VSTM4: variants seen among roughly 807,000 people sequenced by gnomAD.
VSTM4 encodes V-set and transmembrane domain containing 4, also known as V-set and transmembrane domain-containing protein 4.
Under a neutral mutation model 36.4 loss-of-function variants are expected in VSTM4, and 20 were observed. That is an observed-to-expected ratio of 0.55 (90% confidence interval 0.39 to 0.80). VSTM4 has a LOEUF of 0.80. Among genes scored for constraint, VSTM4 ranks in the 30% least tolerant of loss-of-function variants. The pLI, the probability that VSTM4 is intolerant of heterozygous loss-of-function variation, is 0.00. For synonymous variants in VSTM4, 182 were observed against 173.9 expected, an observed-to-expected ratio of 1.05 and a Z score of -0.37; for missense variants, 392 against 404.5, an observed-to-expected ratio of 0.97 and a Z score of 0.26.
At chr10:49,038,742 C>T (rs1193854563) in intron 7 of VSTM4, among the ~76,000 whole-genome samples, 1 of 152,020 alleles carries the variant, frequency 6.6e-6, no homozygotes, top group Non-Finnish European at 1.5e-5. Flanking sequence ...TGTGGGCCCT[C>T]CAGGGGAGTG....
intron 7 of VSTM4, among the ~76,000 whole-genome samples, chr10:49,030,578 C>G (rs1022833027): frequency 6.6e-6 from 1 of 152,184 alleles, no homozygotes; most frequent in African/African-American, 2.4e-5. Flanking sequence ...GGAGAGAAGT[C>G]TTGGATGGAT....
intron 7 of VSTM4, among the ~76,000 whole-genome samples, chr10:49,024,394 G>A (rs564016473): frequency 2.3e-4 from 35 of 152,314 alleles, no homozygotes; most frequent in African/African-American, 8.4e-4. Context: ...ACGTATTGAT[G>A]CATCAAAGGA....
intron 1 of VSTM4, among the ~76,000 whole-genome samples, chr10:49,113,425 T>C (rs1017283327): frequency 3.9e-5 from 6 of 152,162 alleles, no homozygotes; most frequent in African/African-American, 1.4e-4. Flanking sequence ...ACCTGCCGGG[T>C]ACAAACTCTA....
intron 2 of VSTM4, among the ~76,000 whole-genome samples, chr10:49,093,972 C>T (rs759596624): frequency 1.3e-5 from 2 of 152,052 alleles, no homozygotes. Flanking sequence ...TAGTCTTGAT[C>T]TCCTGACCTC....
At chr10:49,102,731 A>G in intron 2 of VSTM4, 3 of 985,500 alleles carry the variant, frequency 3.0e-6, no homozygotes, top group Non-Finnish European at 2.4e-6. Flanking sequence ...AGTCATCCAC[A>G]GCAACAGTTG....
chr10:49,047,443 C>A (rs980467181), intron 6 of VSTM4, among the ~76,000 whole-genome samples: 2 of 152,148 alleles, frequency 1.3e-5, no homozygotes, highest in African/African-American at 4.8e-5. Flanking sequence ...CAGGGAGGGT[C>A]TTATTGTCCC....
At chr10:49,105,518 A>T (rs542327951) in intron 2 of VSTM4, among the ~76,000 whole-genome samples, 1 of 152,240 alleles carries the variant, frequency 6.6e-6, no homozygotes, top group South Asian at 2.1e-4. Context: ...CCAGAGGACC[A>T]GGGCAGGAAA....
Position 49,073,056 on chromosome 10 carries a change from C to T in VSTM4, c.634+4163G>A, listed in dbSNP as rs139820856. On this transcript the variant is annotated intron_variant, in intron 4 of 7. Coordinates refer to ENST00000332853, the MANE Select transcript of VSTM4 (RefSeq NM_001031746.5). ...TCAAAGCCAGGAAGGAAGTCTTGAC[C>T]ACCTTAAAACAAGGCCATATTTATC... Among the ~76,000 whole-genome samples the T allele has an allele frequency of 3.2e-3, 491 of 152,282 alleles. 10 individuals carry two copies. Among genetic ancestry groups the T allele is most frequent in the Non-Finnish European group, 2.5e-3 (167 of 68,030 alleles).
chr10:49,060,852 A>G (rs1843865055), intron 5 of VSTM4, among the ~76,000 whole-genome samples: 1 of 152,216 alleles, frequency 6.6e-6, no homozygotes, highest in South Asian at 2.1e-4. Context: ...GCAATGTGAG[A>G]CAAGGGTCTC....
chr10:49,040,736 A>G (rs1387299586), intron 7 of VSTM4, among the ~76,000 whole-genome samples: 1 of 152,234 alleles, frequency 6.6e-6, no homozygotes, highest in Admixed American at 6.5e-5. Context: ...GCAGACATAA[A>G]GATACGTGCT....
At chr10:49,097,351 G>A (rs990990762) in intron 2 of VSTM4, among the ~76,000 whole-genome samples, 8 of 152,154 alleles carry the variant, frequency 5.3e-5, no homozygotes, top group Non-Finnish European at 8.8e-5. Flanking sequence ...AGCCAGATCC[G>A]TCCCCTAGGG....
intron 5 of VSTM4, among the ~76,000 whole-genome samples, chr10:49,052,694 G>A (rs998981911): frequency 1.4e-4 from 21 of 151,976 alleles, no homozygotes; most frequent in African/African-American, 4.8e-4. Flanking sequence ...CACCTTGCAC[G>A]GTGTAGAATC....
chr10:49,077,166 T>C, intron 4 of VSTM4, 53 bp downstream of exon 4: 4 of 1,566,776 alleles, frequency 2.6e-6, no homozygotes, highest in Non-Finnish European at 3.5e-6. Context: ...CTTCCGCCCG[T>C]CTGTGGTCGG....
chr10:49,069,485 A>C (rs1032772672), intron 4 of VSTM4, among the ~76,000 whole-genome samples: 1 of 152,234 alleles, frequency 6.6e-6, no homozygotes, highest in Non-Finnish European at 1.5e-5. Context: ...AGCCCAGCAC[A>C]GGCTGGGAGC....
rs1287998236 is a variant in VSTM4 at position 49,016,166 on chromosome 10, A to G, written c.*3484T>C. On this transcript the variant is annotated 3_prime_UTR_variant, in exon 8 of 8. Coordinates refer to ENST00000332853, the MANE Select transcript of VSTM4 (RefSeq NM_001031746.5). ...TGTTTTGCTTCCTGTTCTGGGAAGCAACTTTGATGCATACTGTATTCATAT... is the reference window on the plus strand; with the variant it reads ...TGTTTTGCTTCCTGTTCTGGGAAGCGACTTTGATGCATACTGTATTCATAT... 1.3e-5 allele frequency: 2 copies of G among 152,178 alleles called. No individual in the cohort carries two copies. The highest frequency in any genetic ancestry group is 2.9e-5 in the Non-Finnish European group (2 of 68,078). The allele number at this position is 152,178 out of a possible 1,614,324, so 9.4% of individuals were successfully genotyped here. A position where few individuals can be genotyped will look rare whatever the true frequency, so the allele number is the denominator to read the frequency against.
At chr10:49,040,623 A>G (rs1815216059) in intron 7 of VSTM4, among the ~76,000 whole-genome samples, 1 of 152,144 alleles carries the variant, frequency 6.6e-6, no homozygotes. Context: ...TTTTTTAAAA[A>G]CTTCTGACTA....
At chr10:49,089,966 C>T (rs1844442781) in intron 2 of VSTM4, among the ~76,000 whole-genome samples, 1 of 152,236 alleles carries the variant, frequency 6.6e-6, no homozygotes, top group Non-Finnish European at 1.5e-5. Context: ...CTCCTCAGCA[C>T]AGCTGTGAGC....
At chr10:49,054,179 GA>G (rs1176459028) in intron 5 of VSTM4, among the ~76,000 whole-genome samples, 1 of 152,072 alleles carries the variant, frequency 6.6e-6, no homozygotes, top group Non-Finnish European at 1.5e-5. Context: ...CTGAAGCAAG[GA>G]CCCAGGACCC....
At chr10:49,114,588 T>TTTG (rs1554837419) in intron 1 of VSTM4, among the ~76,000 whole-genome samples, 3 of 120,826 alleles carry the variant, frequency 2.5e-5, no homozygotes, top group African/African-American at 8.9e-5. Context: ...AGTTCATGTT[T>TTTG]TTTTTTTTTA....
Sources: gnomAD v4.1 joint callset for allele counts (sites outside exome capture counted in the v4.1 genomes callset) on GRCh38, gnomAD v4.1.1 for gene constraint, MANE v1.5 for transcripts, NCBI Gene and HGNC (gene_info 2026-07-23, HGNC 2026-07-21) for gene names.